The following ZNF878 variants were observed in gnomAD, a reference collection of about 807,000 sequenced individuals.
ZNF878 encodes zinc finger protein 878.
Under a neutral mutation model 11.1 loss-of-function variants are expected in ZNF878, and 10 were observed. That is an observed-to-expected ratio of 0.90 (90% confidence interval 0.56 to 1.53). The LOEUF (loss-of-function observed/expected upper bound fraction) is 1.53, where lower values mean the gene tolerates loss of function less well. Ranked by LOEUF, ZNF878 falls within the 40% of genes most tolerant of loss-of-function variation. ZNF878 has a pLI of 0.00. For missense variants in ZNF878, 548 were observed against 626.1 expected (o/e 0.88, Z 1.33); for synonymous variants, 165 against 209.7 (o/e 0.79, Z 1.84).
Position 12,045,082 on chromosome 19 carries a change from A to C in ZNF878, c.319T>G (p.Cys107Gly). The C allele has an allele frequency of 6.2e-7, 1 of 1,613,772 alleles. No homozygotes were observed. The highest frequency in any genetic ancestry group is 1.1e-5 in the South Asian group (1 of 91,052). The change falls in exon 4 of 4, where the codon TGT becomes GGT. Residue 107 changes from cysteine to glycine, a missense_variant. Transcript: ENST00000547628. ...GAAAGACCTATGCCGATTTCTCCAC[A>C]CACACTGCTTTCATATGATTGTACT... is the stretch of plus-strand genomic sequence containing the variant. Reference protein sequence around the residue: ...PGVQSYESSVCGEIGIGLSSL... With the variant: ...PGVQSYESSVGGEIGIGLSSL...
rs1297943626 is a variant in ZNF878 at position 12,052,935 on chromosome 19, T to C, written c.-134A>G. 1.4e-6 allele frequency: 2 copies of C among 1,393,552 alleles called. No individual in the cohort carries two copies. Among genetic ancestry groups the C allele is most frequent in the African/African-American group, 1.4e-5 (1 of 69,960 alleles). The allele number at this position is 1,393,552 out of a possible 1,614,324, so 86.3% of individuals were successfully genotyped here. On this transcript the variant is annotated 5_prime_UTR_variant, in exon 1 of 4. Coordinates refer to ENST00000547628, the MANE Select transcript of ZNF878 (RefSeq NM_001080404.3). ...TCTCGGAGCAAGAAAGCCCCAGACC[T>C]TAACTAGCGCGAGCAGCCCTAGGAG...
chr19:12,043,763 C>G (rs1316937912), downstream of ZNF878: 1 of 1,507,730 alleles, frequency 6.6e-7, no homozygotes, highest in East Asian at 2.3e-5. Flanking sequence ...GTTCTGAGTC[C>G]CATCTAAGGA....
Position 12,052,854 on chromosome 19 carries a change from C to A in ZNF878, c.-53G>T. On this transcript the variant is annotated 5_prime_UTR_variant, in exon 1 of 4. Coordinates refer to ENST00000547628, the MANE Select transcript of ZNF878 (RefSeq NM_001080404.3). Reference sequence around the variant, plus strand: ...CTCTCTAAAGGTCCCGTGAACAGTGCAGGTCACAGCGCAGTCGACAGAGCA... The same window carrying A: ...CTCTCTAAAGGTCCCGTGAACAGTGAAGGTCACAGCGCAGTCGACAGAGCA... 6.5e-7 allele frequency: 1 copy of A among 1,534,694 alleles called. No homozygotes were observed. The highest frequency in any genetic ancestry group is 8.7e-7 in the Non-Finnish European group (1 of 1,146,234).
chr19:12,046,346 TTC>T lies in ZNF878; in HGVS notation c.191+20_191+21del. On this transcript the variant is annotated intron_variant, in intron 3 of 3. Transcript: ENST00000547628. ...TAAGATTGTATACAGAGACATTGTT[TTC>T]TCTTTTAAGTGCCAGTTACCTTAGG... The T allele has an allele frequency of 6.6e-7, 1 of 1,522,154 alleles. No homozygotes were observed. Among genetic ancestry groups the T allele is most frequent in the African/African-American group, 1.4e-5 (1 of 72,220 alleles). 94.3% of individuals were successfully genotyped at this position (1,522,154 alleles called of 1,614,324 possible).
rs1351804086 is a variant in ZNF878 at position 12,044,995 on chromosome 19, T to C, written c.406A>G (p.Thr136Ala). Residue 136 changes from threonine to alanine, a missense_variant, in exon 4 of 4, where the codon ACT (threonine) becomes GCT (alanine). Transcript: ENST00000547628. ...TCATAAGGCTTTTCCCCAGTGTGAG[T>C]TCTTCCATGTATTGCAAGGCTACTG... ...YSSSLAIHGR[T>A]HTGEKPYECK... The C allele has an allele frequency of 6.2e-7, 1 of 1,613,930 alleles. No homozygotes were observed. Among genetic ancestry groups the C allele is most frequent in the Non-Finnish European group, 8.5e-7 (1 of 1,180,014 alleles).
Position 12,051,095 on chromosome 19 carries a change from CAAAAAAA to C in ZNF878, c.3+1697_3+1703del, listed in dbSNP as rs370628123. On this transcript the variant is annotated intron_variant, in intron 1 of 3. Transcript: ENST00000547628. ...TGGGTGACAGAGTGAGACTCCGTCTCAAAAAAAAAAAAAAAAAAAAAAAGAAAAGAAA... is the reference window on the plus strand; with the variant it reads ...TGGGTGACAGAGTGAGACTCCGTCTCAAAAAAAAAAAAAAAAGAAAAGAAA... Among the ~76,000 whole-genome samples the C allele has an allele frequency of 2.0e-3, 74 of 37,216 alleles. No homozygotes were observed. In the Middle Eastern group the frequency reaches 0.045, roughly 23 times the overall value. The allele number at this position is 37,216 out of a possible 152,430, so 24.4% of individuals were successfully genotyped here. A position where few individuals can be genotyped will look rare whatever the true frequency, so the allele number is the denominator to read the frequency against.
intron 3 of ZNF878, 166 bp downstream of exon 3, chr19:12,046,202 A>T (rs1692681965): frequency 3.4e-6 from 2 of 591,574 alleles, no homozygotes; most frequent in Non-Finnish European, 2.9e-6. Context: ...AAAGGGCTGG[A>T]TTATACACAT....
In ZNF878 at chr19:12,046,634, C is replaced by G; in HGVS notation, c.130G>C (p.Gly44Arg). Reference protein sequence around the residue: ...QETLRNLTSIGKKWNNQYIED... With the variant: ...QETLRNLTSIRKKWNNQYIED... ...AGGGAAGTAATACTGTCATTCTTAC[C>G]TATGGAGGTCAGGTTCCTCAAGGTT... Residue 44 changes from glycine to arginine, a missense_variant and splice_region_variant, in exon 2 of 4, where the codon GGA becomes CGA. By Grantham distance (125) the Gly-to-Arg change is moderately radical. Transcript: ENST00000547628. The G allele has an allele frequency of 1.2e-6, 2 of 1,613,956 alleles. No individual in the cohort carries two copies. The highest frequency in any genetic ancestry group is 1.7e-6 in the Non-Finnish European group (2 of 1,179,984).
chr19:12,052,463 A>C (rs1279344986), intron 1 of ZNF878, among the ~76,000 whole-genome samples: 2 of 152,270 alleles, frequency 1.3e-5, no homozygotes, highest in African/African-American at 4.8e-5. Context: ...CTCCTCCCAC[A>C]CGAACCCCAC....
At position 12,049,460 on chromosome 19, in the gene ZNF878, C is replaced by CAAAAAAAAAAAAAAA. The variant is rs59577895; in HGVS notation, c.4-2715_4-2701dup. ...TGAGCGACAGAGCGAGACTCCCTCT[C>CAAAAAAAAAAAAAAA]AAAAAAAAAAAAAAAAAAAAAGAAT... On this transcript the variant is annotated intron_variant, in intron 1 of 3. Transcript: ENST00000547628. Among the ~76,000 whole-genome samples the CAAAAAAAAAAAAAAA allele has an allele frequency of 2.2e-3, 80 of 36,028 alleles. 5 individuals carry two copies. Among genetic ancestry groups the CAAAAAAAAAAAAAAA allele is most frequent in the African/African-American group, 3.8e-3 (28 of 7,282 alleles). The allele number at this position is 36,028 out of a possible 152,430, so 23.6% of individuals were successfully genotyped here. A position where few individuals can be genotyped will look rare whatever the true frequency, so the allele number is the denominator to read the frequency against.
chr19:12,043,766 T>C, downstream of ZNF878: 1 of 1,524,706 alleles, frequency 6.6e-7, no homozygotes, highest in African/African-American at 1.4e-5. Flanking sequence ...CTGAGTCCCA[T>C]CTAAGGACTT....
In ZNF878 at chr19:12,044,836, G is replaced by A. The variant is rs1444620187; in HGVS notation, c.565C>T (p.His189Tyr). The A allele has an allele frequency of 4.3e-6, 7 of 1,613,986 alleles. No individual in the cohort carries two copies. Among genetic ancestry groups the A allele is most frequent in the Non-Finnish European group, 5.9e-6 (7 of 1,180,006 alleles). Reference sequence around the variant, plus strand: ...TTTTTTGCAGAGTGGATTCTTTCATGTCTACGAACAGAACTGGGAAAACTG... The same window carrying A: ...TTTTTTGCAGAGTGGATTCTTTCATATCTACGAACAGAACTGGGAAAACTG... ...AFSFPSSVRR[H>Y]ERIHSAKKPY... is the part of the protein sequence containing the mutation. Residue 189 changes from histidine (H) to tyrosine (Y), a missense_variant, in exon 4 of 4, where the codon CAT becomes TAT. Physicochemically the swap from His to Tyr is moderately conservative, Grantham distance 83 (BLOSUM62 2). Coordinates refer to ENST00000547628, the MANE Select transcript of ZNF878 (RefSeq NM_001080404.3).
chr19:12,045,021 G>A lies in ZNF878; in HGVS notation c.380C>T (p.Ser127Phe). 3.1e-6 allele frequency: 5 copies of A among 1,614,070 alleles called. No homozygotes were observed. Among genetic ancestry groups the A allele is most frequent in the Non-Finnish European group, 3.4e-6 (4 of 1,180,014 alleles). ...LNRHLRAFSY[S>F]SSLAIHGRTH... ...TCTTCCATGTATTGCAAGGCTACTG[G>A]AATAACTAAAGGCTCTGAGGTGCCT... Residue 127 changes from serine to phenylalanine, a missense_variant, in exon 4 of 4, where the codon TCC becomes TTC. Coordinates refer to ENST00000547628, the MANE Select transcript of ZNF878 (RefSeq NM_001080404.3).
At chr19:12,051,484 AC>A (rs745553269) in intron 1 of ZNF878, among the ~76,000 whole-genome samples, 38 of 151,936 alleles carry the variant, frequency 2.5e-4, no homozygotes, top group Non-Finnish European at 2.1e-4. Flanking sequence ...TCATTCTTTC[AC>A]CATGGCTGGA....
At chr19:12,047,171 C>T (rs1032207573) in intron 1 of ZNF878, among the ~76,000 whole-genome samples, 1 of 152,098 alleles carries the variant, frequency 6.6e-6, no homozygotes, top group Non-Finnish European at 1.5e-5. Context: ...AAAGTTGAAC[C>T]TTTGTGATGA....
At chr19:12,043,740 C>T (rs1316724433), downstream of ZNF878, 4 of 1,428,666 alleles carry the variant, frequency 2.8e-6, no homozygotes, top group Non-Finnish European at 2.8e-6. Context: ...GTGAATCCTT[C>T]CGTGCATTTG....
chr19:12,049,250 CAGG>C (rs138945375), intron 1 of ZNF878, among the ~76,000 whole-genome samples: 9,524 of 151,418 alleles, frequency 0.063, 402 homozygotes, highest in Middle Eastern at 0.13. Flanking sequence ...CACCTGAGGT[CAGG>C]AGTTCAAGAC....
intron 1 of ZNF878, among the ~76,000 whole-genome samples, chr19:12,047,471 G>A (rs1844696746): frequency 6.6e-6 from 1 of 152,048 alleles, no homozygotes; most frequent in South Asian, 2.1e-4. Context: ...GACTGAAGCA[G>A]GAGAATCACT....
At chr19:12,049,164 C>G (rs1975525548) in intron 1 of ZNF878, among the ~76,000 whole-genome samples, 1 of 145,254 alleles carries the variant, frequency 6.9e-6, no homozygotes, top group South Asian at 2.2e-4. Context: ...AAAGATAATA[C>G]AGCTACAAAG....
Sources: allele counts gnomAD v4.1 joint callset (sites outside exome capture counted in the v4.1 genomes callset), GRCh38; gene constraint gnomAD v4.1.1; transcripts MANE v1.5; gene names NCBI Gene and HGNC (gene_info 2026-07-23, HGNC 2026-07-21).